The following SDK1 variants were observed in gnomAD, a reference collection of about 807,000 sequenced individuals.
SDK1 encodes the protein sidekick cell adhesion molecule 1, also known as protein sidekick-1.
SDK1 carries 157 observed loss-of-function variants against 245.5 expected under a neutral mutation model. That is an observed-to-expected ratio of 0.64 (90% CI 0.56 to 0.73). The LOEUF (loss-of-function observed/expected upper bound fraction) is 0.73. Among genes scored for constraint, SDK1 ranks in the 30% least tolerant of loss-of-function variants. The pLI is 0.00. For missense variants in SDK1, 3,583 were observed against 3,002.3 expected, an observed-to-expected ratio of 1.19 and a Z score of -4.52; for synonymous variants, 1,647 against 1,278.5, an observed-to-expected ratio of 1.29 and a Z score of -6.15.
intron 4 of SDK1, among the ~76,000 whole-genome samples, chr7:3,722,615 C>T (rs553359278): frequency 1.3e-5 from 2 of 152,280 alleles, no homozygotes; most frequent in South Asian, 4.1e-4. Context: ...CTGCACAATT[C>T]CGGACACACG....
chr7:3,594,524 C>G (rs958296290), intron 1 of SDK1, among the ~76,000 whole-genome samples: 1 of 152,074 alleles, frequency 6.6e-6, no homozygotes, highest in African/African-American at 2.4e-5. Context: ...TTTGAGAGAC[C>G]GCCAAACCAT....
intron 4 of SDK1, among the ~76,000 whole-genome samples, chr7:3,810,714 T>G (rs1470347926): frequency 6.6e-6 from 1 of 152,232 alleles, no homozygotes; most frequent in Non-Finnish European, 1.5e-5. Context: ...GACAGCATCT[T>G]TCCTAAAGGA....
At chr7:3,624,169 A>G (rs1326352308) in intron 2 of SDK1, among the ~76,000 whole-genome samples, 1 of 152,220 alleles carries the variant, frequency 6.6e-6, no homozygotes, top group Non-Finnish European at 1.5e-5. Flanking sequence ...GCCTAACATC[A>G]GTAGAACTTT....
At chr7:3,827,169 TA>T (rs113931878) in intron 5 of SDK1, among the ~76,000 whole-genome samples, 22,891 of 152,164 alleles carry the variant, frequency 0.15, 1,839 homozygotes, top group Middle Eastern at 0.31. Flanking sequence ...TTTGAACACA[TA>T]TGGGGGAAGC....
chr7:3,509,625 G>C (rs971641924), intron 1 of SDK1, among the ~76,000 whole-genome samples: 4 of 152,282 alleles, frequency 2.6e-5, no homozygotes, highest in East Asian at 1.9e-4. Context: ...GAGCTGGTCT[G>C]TCTGTCTCTG....
intron 1 of SDK1, among the ~76,000 whole-genome samples, chr7:3,391,271 C>T (rs1037978922): frequency 6.6e-6 from 1 of 152,164 alleles, no homozygotes; most frequent in South Asian, 2.1e-4. Context: ...TAGAAGTCAA[C>T]TCTTAAAAAT....
At position 3,961,836 on chromosome 7, in the gene SDK1, C is replaced by T. The variant is rs139963458; in HGVS notation, c.1235-821C>T. Among the ~76,000 whole-genome samples, 704 of 152,278 alleles carry T rather than the reference C, an allele frequency of 4.6e-3. 2 individuals carry two copies. The highest frequency in any genetic ancestry group is 0.011 in the South Asian group (53 of 4,828). On this transcript the variant is annotated intron_variant, in intron 8 of 44. Coordinates refer to ENST00000404826, the MANE Select transcript of SDK1 (RefSeq NM_152744.4). ...ATAAATACATATGTAAATGTACACA[C>T]ATGCACATATATGCACCACCTCACA...
intron 25 of SDK1, among the ~76,000 whole-genome samples, chr7:4,116,562 A>C (rs536023126): frequency 6.6e-6 from 1 of 152,300 alleles, no homozygotes; most frequent in South Asian, 2.1e-4. Flanking sequence ...AGGTTACTGT[A>C]ATGCACAGTG....
intron 3 of SDK1, 133 bp from the exon 4 acceptor site, chr7:3,641,825 G>C (rs1214551939): frequency 1.3e-6 from 1 of 741,524 alleles, no homozygotes. Flanking sequence ...CTGCCGTGCA[G>C]TCTCGCTCGT....
intron 4 of SDK1, among the ~76,000 whole-genome samples, chr7:3,715,800 A>C (rs1200309020): frequency 6.6e-6 from 1 of 152,220 alleles, no homozygotes; most frequent in Admixed American, 6.5e-5. Flanking sequence ...GAGAAGACAC[A>C]ATCAACTGAG....
chr7:3,578,947 G>A (rs1221625581), intron 1 of SDK1, among the ~76,000 whole-genome samples: 1 of 151,932 alleles, frequency 6.6e-6, no homozygotes, highest in Admixed American at 6.6e-5. Context: ...ACAGGATTAA[G>A]AGATTAAAGT....
chr7:3,889,239 C>G (rs893860859), intron 5 of SDK1, among the ~76,000 whole-genome samples: 82 of 152,218 alleles, frequency 5.4e-4, no homozygotes, highest in African/African-American at 1.8e-3. Context: ...CTTCTTTATA[C>G]TCAGATAGAC....
chr7:4,109,972 T>G (rs1231759836), intron 22 of SDK1, among the ~76,000 whole-genome samples: 1 of 152,050 alleles, frequency 6.6e-6, no homozygotes, highest in African/African-American at 2.4e-5. Context: ...GCTGGGGAAC[T>G]TGGAGGGCAC....
intron 1 of SDK1, among the ~76,000 whole-genome samples, chr7:3,345,116 G>A (rs1780459214): frequency 6.6e-6 from 1 of 152,174 alleles, no homozygotes; most frequent in Non-Finnish European, 1.5e-5. Context: ...ACGGAATGTG[G>A]TTTGATCACT....
At chr7:3,821,692 A>G (rs924852668) in intron 5 of SDK1, 109 bp downstream of exon 5, 3 of 1,209,468 alleles carry the variant, frequency 2.5e-6, no homozygotes, top group Non-Finnish European at 3.5e-6. Flanking sequence ...TCTCTAGTGT[A>G]GTAGTTACGG....
intron 25 of SDK1, among the ~76,000 whole-genome samples, chr7:4,116,379 G>A (rs6944129): frequency 0.049 from 7,403 of 152,246 alleles, 225 homozygotes; most frequent in African/African-American, 0.064. Context: ...GTCCAGCAGC[G>A]CCCAGCACAC....
intron 5 of SDK1, among the ~76,000 whole-genome samples, chr7:3,860,431 T>G (rs558776583): frequency 6.6e-6 from 1 of 152,206 alleles, no homozygotes; most frequent in East Asian, 1.9e-4. Context: ...AGTTGACTTT[T>G]CATCTAGGAA....
chr7:4,268,289 C>G lies in SDK1; in HGVS notation c.*2905C>G, dbSNP rs1445370722. 2.9e-6 allele frequency: 3 copies of G among 1,025,064 alleles called. No individual in the cohort carries two copies. The East Asian group carries it at 2.9e-4, about 98-fold the overall frequency. The allele number at this position is 1,025,064 out of a possible 1,614,324, so 63.5% of individuals were successfully genotyped here. A position where few individuals can be genotyped will look rare whatever the true frequency, so the allele number is the denominator to read the frequency against. ...CACAGGGATGGGTGTGCAGAGCTCCCTCCTCCTGGGGTGCCAGGGCAGAGA... is the reference window on the plus strand; with the variant it reads ...CACAGGGATGGGTGTGCAGAGCTCCGTCCTCCTGGGGTGCCAGGGCAGAGA... On this transcript the variant is annotated 3_prime_UTR_variant, in exon 45 of 45. Coordinates refer to ENST00000404826, the MANE Select transcript of SDK1 (RefSeq NM_152744.4).
chr7:4,234,825 G>A (rs1317955096), intron 41 of SDK1, among the ~76,000 whole-genome samples: 1 of 152,336 alleles, frequency 6.6e-6, no homozygotes, highest in South Asian at 2.1e-4. Context: ...TGTGTTTGAG[G>A]AGAGGGGATC....
Sources: allele counts gnomAD v4.1 joint callset (sites outside exome capture counted in the v4.1 genomes callset), GRCh38; gene constraint gnomAD v4.1.1; transcripts MANE v1.5; gene names NCBI Gene and HGNC (gene_info 2026-07-23, HGNC 2026-07-21).